RIMS2: variants seen among roughly 807,000 people sequenced by gnomAD.
RIMS2 encodes the protein regulating synaptic membrane exocytosis 2, also known as regulating synaptic membrane exocytosis protein 2.
A neutral mutation model predicts 174.4 loss-of-function variants in RIMS2; 59 were observed. That is an observed-to-expected ratio of 0.34 (90% CI 0.27 to 0.42). The LOEUF (loss-of-function observed/expected upper bound fraction) is 0.42. Among genes scored for constraint, RIMS2 ranks in the 10% least tolerant of loss-of-function variants. The pLI is 1.00. For missense variants in RIMS2, 1,620 were observed against 1,666.3 expected (o/e 0.97, Z 0.48); for synonymous variants, 606 against 572.5 (o/e 1.06, Z -0.84).
At chr8:104,089,558 G>C (rs2097597567) in intron 19 of RIMS2, among the ~76,000 whole-genome samples, 1 of 151,658 alleles carries the variant, frequency 6.6e-6, no homozygotes, top group South Asian at 2.1e-4. Context: ...CTTTCTCACT[G>C]TCCAGATTTC....
At chr8:103,820,740 A>C (rs2098746941) in intron 3 of RIMS2, among the ~76,000 whole-genome samples, 1 of 151,796 alleles carries the variant, frequency 6.6e-6, no homozygotes, top group South Asian at 2.1e-4. Context: ...AGTTCTGTTC[A>C]ATAAACTAAT....
At chr8:104,124,847 T>C (rs2098415449) in intron 19 of RIMS2, among the ~76,000 whole-genome samples, 2 of 152,144 alleles carry the variant, frequency 1.3e-5, no homozygotes, top group Non-Finnish European at 2.9e-5. Flanking sequence ...AGACCAATGA[T>C]GACAATCAGC....
At chr8:104,173,100 A>G (rs956162662) in intron 19 of RIMS2, among the ~76,000 whole-genome samples, 2 of 152,184 alleles carry the variant, frequency 1.3e-5, no homozygotes, top group African/African-American at 4.8e-5. Context: ...CCTGCTTACT[A>G]CATCTGCTTT....
At chr8:104,077,551 T>C (rs2154562582) in intron 19 of RIMS2, among the ~76,000 whole-genome samples, 1 of 151,438 alleles carries the variant, frequency 6.6e-6, no homozygotes, top group South Asian at 2.1e-4. Context: ...TGATTGTATT[T>C]AAATTTTAAT....
chr8:103,503,101 T>A (rs1022214176), intron 1 of RIMS2, among the ~76,000 whole-genome samples: 1 of 151,960 alleles, frequency 6.6e-6, no homozygotes, highest in African/African-American at 2.4e-5. Context: ...ATCTATAAAA[T>A]TACATTGATG....
intron 3 of RIMS2, among the ~76,000 whole-genome samples, chr8:103,815,653 A>C (rs937414175): frequency 5.9e-5 from 9 of 152,186 alleles, no homozygotes; most frequent in African/African-American, 1.9e-4. Flanking sequence ...TAAGCCCTAC[A>C]TCCTATCAGC....
chr8:103,608,527 G>T (rs565930746), intron 1 of RIMS2, among the ~76,000 whole-genome samples: 1 of 139,270 alleles, frequency 7.2e-6, no homozygotes, highest in East Asian at 1.9e-4. Flanking sequence ...CACCCAGTTC[G>T]AGCTTCCCGC....
intron 19 of RIMS2, among the ~76,000 whole-genome samples, chr8:104,155,077 G>A (rs777315141): frequency 3.0e-4 from 46 of 151,918 alleles, no homozygotes; most frequent in Non-Finnish European, 5.4e-4. Flanking sequence ...CTTTCTGGGG[G>A]TGTTAGTTTT....
At chr8:104,027,328 C>G (rs565833888) in intron 19 of RIMS2, among the ~76,000 whole-genome samples, 1 of 152,214 alleles carries the variant, frequency 6.6e-6, no homozygotes, top group South Asian at 2.1e-4. Context: ...TTTTCCTAAC[C>G]TTTCCTTTCA....
intron 16 of RIMS2, 73 bp from the exon 19 acceptor site, chr8:103,989,232 G>A: frequency 1.1e-6 from 1 of 910,228 alleles, no homozygotes; most frequent in South Asian, 1.5e-5. Flanking sequence ...TTTCTACTGT[G>A]CTTTAAAATA....
chr8:103,699,888 G>A (rs2097148980), intron 2 of RIMS2, among the ~76,000 whole-genome samples: 1 of 152,004 alleles, frequency 6.6e-6, no homozygotes, highest in Non-Finnish European at 1.5e-5. Context: ...GGTTCCTAGG[G>A]ATCTTTTTGT....
At chr8:103,529,631 G>A (rs1317392325) in intron 1 of RIMS2, among the ~76,000 whole-genome samples, 2 of 152,146 alleles carry the variant, frequency 1.3e-5, no homozygotes, top group African/African-American at 4.8e-5. Flanking sequence ...TGCACCCACG[G>A]TCCTGCACCC....
intron 12 of RIMS2, 138 bp from the exon 15 acceptor site, chr8:103,936,413 G>T (rs1191051513): frequency 9.5e-6 from 5 of 526,618 alleles, no homozygotes; most frequent in African/African-American, 2.0e-5. Flanking sequence ...AATTTTAAAG[G>T]TTATAACATT....
At chr8:103,630,455 C>T (rs1040490589) in intron 1 of RIMS2, among the ~76,000 whole-genome samples, 3 of 151,322 alleles carry the variant, frequency 2.0e-5, no homozygotes, top group East Asian at 1.9e-4. Flanking sequence ...TGAATAAAGG[C>T]AGTTTTAGAA....
chr8:103,620,970 T>TATAATATA (rs2095620917), intron 1 of RIMS2, among the ~76,000 whole-genome samples: 1 of 152,202 alleles, frequency 6.6e-6, no homozygotes, highest in Admixed American at 6.5e-5. Flanking sequence ...ACTTTTGAAC[T>TATAATATA]ATGTGACTAT....
chr8:103,718,641 G>A (rs1464140521), intron 2 of RIMS2, among the ~76,000 whole-genome samples: 1 of 151,678 alleles, frequency 6.6e-6, no homozygotes, highest in South Asian at 2.1e-4. Flanking sequence ...TTTTGACTCT[G>A]CTCAATGGCT....
chr8:104,124,400 C>G lies in RIMS2; in HGVS notation c.3334+109785C>G, dbSNP rs144689308. 3.3e-5 allele frequency among the ~76,000 whole-genome samples: 5 copies of G among 152,226 alleles called. No individual in the cohort carries two copies. In the East Asian group the frequency reaches 7.8e-4, roughly 24 times the overall value. On this transcript the variant is annotated intron_variant, in intron 19 of 23. Coordinates refer to ENST00000504942, the Ensembl canonical transcript of RIMS2. ...ACAAAGTGAGATTAAAAATATATCA[C>G]TTGGTTAGATGGTGAGTTAGTGAGT... is the stretch of plus-strand genomic sequence containing the variant.
rs185681969 is a variant in RIMS2 at position 103,695,099 on chromosome 8, A to G, written c.177-1987A>G. ...TCTCTTTTTCCCCCTAGCGATGAGT[A>G]TCTCTGTTTATGCTGTGTTGTCTGT... On this transcript the variant is annotated intron_variant, in intron 1 of 23. Transcript: ENST00000504942. Among the ~76,000 whole-genome samples, 12 of 152,274 alleles carry G rather than the reference A, an allele frequency of 7.9e-5. No homozygotes were observed. The East Asian group carries it at 1.9e-3, about 25-fold the overall frequency.
chr8:103,601,145 TC>T (rs1310001805), intron 1 of RIMS2, among the ~76,000 whole-genome samples: 1 of 152,220 alleles, frequency 6.6e-6, no homozygotes, highest in African/African-American at 2.4e-5. Context: ...AAATATTTTC[TC>T]CCATTCTGTG....
Sources: gnomAD v4.1 joint callset for allele counts (sites outside exome capture counted in the v4.1 genomes callset) on GRCh38, gnomAD v4.1.1 for gene constraint, MANE v1.5 for transcripts, NCBI Gene and HGNC (gene_info 2026-07-23, HGNC 2026-07-21) for gene names.